DYNC1LI2: variants seen among roughly 807,000 people sequenced by gnomAD.
DYNC1LI2 encodes dynein cytoplasmic 1 light intermediate chain 2, also known as cytoplasmic dynein 1 light intermediate chain 2.
In DYNC1LI2, 19 loss-of-function variants were observed where a neutral mutation model predicts 57.8. The observed-to-expected ratio is 0.33, with a 90% CI of 0.23 to 0.48. The LOEUF (loss-of-function observed/expected upper bound fraction) is 0.48. Ranked by LOEUF, DYNC1LI2 falls within the 20% of genes least tolerant of loss-of-function variation. DYNC1LI2 has a pLI of 0.99. For synonymous variants in DYNC1LI2, 256 were observed against 233.4 expected, an observed-to-expected ratio of 1.10 and a Z score of -0.88; for missense variants, 470 against 604.2, an observed-to-expected ratio of 0.78 and a Z score of 2.33.
In DYNC1LI2 at chr16:66,730,021, T is replaced by C. The variant is rs183511734; in HGVS notation, c.1041+91A>G. On this transcript the variant is annotated intron_variant, in intron 8 of 12. Transcript: ENST00000258198. ...GTCTCAAACTCCTGACCTCATGTGA[T>C]CTGCCCGCTTTGGCCTCCCAAAGTG... 318 of 1,057,742 alleles carry C rather than the reference T, an allele frequency of 3.0e-4. No homozygotes were observed. The African/African-American group carries it at 4.8e-3, about 16-fold the overall frequency. The allele number at this position is 1,057,742 out of a possible 1,614,324, so 65.5% of individuals were successfully genotyped here. A position where few individuals can be genotyped will look rare whatever the true frequency, so the allele number is the denominator to read the frequency against.
chr16:66,725,066 C>T (rs2017512333), intron 12 of DYNC1LI2, among the ~76,000 whole-genome samples: 3 of 151,090 alleles, frequency 2.0e-5, no homozygotes, highest in Non-Finnish European at 2.9e-5. Flanking sequence ...CCCAGCTACT[C>T]GGGAGGCTGA....
In DYNC1LI2 at chr16:66,751,151, C is replaced by T; in HGVS notation, c.181+122G>A. On this transcript the variant is annotated intron_variant, in intron 2 of 12. Coordinates refer to ENST00000258198, the MANE Select transcript of DYNC1LI2 (RefSeq NM_006141.3). This position sits in a 1 kb window ranked among gnomAD's most constrained non-coding sequence, Gnocchi z 5.2. ...TCTCCAGCTGACCGGCCAGGGCCGACGGTCCCTTTCCCGCCAGGCTGCGGG... is the reference window on the plus strand; with the variant it reads ...TCTCCAGCTGACCGGCCAGGGCCGATGGTCCCTTTCCCGCCAGGCTGCGGG... 8.6e-7 allele frequency: 1 copy of T among 1,161,484 alleles called. No individual in the cohort carries two copies. Among genetic ancestry groups the T allele is most frequent in the Non-Finnish European group, 1.2e-6 (1 of 836,820 alleles). The allele number at this position is 1,161,484 out of a possible 1,614,324, so 71.9% of individuals were successfully genotyped here.
rs548222823 is a variant in DYNC1LI2 at position 66,726,913 on chromosome 16, C to T, written c.1261+775G>A. On this transcript the variant is annotated intron_variant, in intron 11 of 12. Coordinates refer to ENST00000258198, the MANE Select transcript of DYNC1LI2 (RefSeq NM_006141.3). The stretch of plus-strand genomic sequence containing the variant: ...CTCCCAAAGTGCTGGCTTGAGTCAC[C>T]ACGCCAGGCCTTTTTTTTTTTGAAA... 5.3e-5 allele frequency among the ~76,000 whole-genome samples: 8 copies of T among 151,762 alleles called. No homozygotes were observed. The South Asian group carries it at 1.7e-3, about 32-fold the overall frequency.
chr16:66,743,811 G>A (rs1397824418), intron 3 of DYNC1LI2, among the ~76,000 whole-genome samples: 2 of 152,118 alleles, frequency 1.3e-5, no homozygotes, highest in Non-Finnish European at 2.9e-5. Context: ...GTATTTAAAT[G>A]TGAAGATAAA....
At chr16:66,747,066 T>C (rs975878312) in intron 3 of DYNC1LI2, among the ~76,000 whole-genome samples, 2 of 150,106 alleles carry the variant, frequency 1.3e-5, no homozygotes, top group East Asian at 3.9e-4. Flanking sequence ...AAGAGACTCT[T>C]ACCCATGCCC....
At chr16:66,742,700 A>C in intron 3 of DYNC1LI2, 32 bp from the exon 4 acceptor site, 2 of 1,599,270 alleles carry the variant, frequency 1.3e-6, no homozygotes, top group Non-Finnish European at 1.7e-6. Flanking sequence ...GCTAGTTACC[A>C]CCTGACAGTG....
chr16:66,750,330 G>A (rs2018020629), intron 2 of DYNC1LI2, among the ~76,000 whole-genome samples: 1 of 152,164 alleles, frequency 6.6e-6, no homozygotes, highest in African/African-American at 2.4e-5. Flanking sequence ...GGAATTGGGG[G>A]ATGGAGGTGA....
intron 8 of DYNC1LI2, among the ~76,000 whole-genome samples, 161 bp from the exon 9 acceptor site, chr16:66,729,260 T>G (rs1465762815): frequency 1.3e-5 from 2 of 152,142 alleles, no homozygotes; most frequent in Non-Finnish European, 2.9e-5. Context: ...GGCACAGACC[T>G]CTCCCAAAAC....
chr16:66,749,696 T>C (rs1484979260), intron 2 of DYNC1LI2, among the ~76,000 whole-genome samples: 1 of 152,128 alleles, frequency 6.6e-6, no homozygotes, highest in African/African-American at 2.4e-5. Context: ...ATCTTCAAAA[T>C]ATGATACAAT....
intron 4 of DYNC1LI2, among the ~76,000 whole-genome samples, chr16:66,741,617 G>A (rs141653891): frequency 1.9e-3 from 285 of 152,170 alleles, no homozygotes; most frequent in African/African-American, 6.6e-3. Context: ...TTCACCAGAG[G>A]GGGTGATGTC....
At chr16:66,737,547 T>C (rs1424757076) in intron 4 of DYNC1LI2, among the ~76,000 whole-genome samples, 1 of 151,336 alleles carries the variant, frequency 6.6e-6, no homozygotes, top group Non-Finnish European at 1.5e-5. Context: ...AAGAACATGC[T>C]GTTTCCACAC....
At chr16:66,746,933 T>C (rs2017946050) in intron 3 of DYNC1LI2, among the ~76,000 whole-genome samples, 1 of 152,144 alleles carries the variant, frequency 6.6e-6, no homozygotes, top group Non-Finnish European at 1.5e-5. Flanking sequence ...GTAACCACAC[T>C]GTCCAAAAAA....
chr16:66,751,351 G>C lies in DYNC1LI2; in HGVS notation c.108-5C>G, dbSNP rs759347987. The C allele has an allele frequency of 1.9e-6, 3 of 1,611,320 alleles. No individual in the cohort carries two copies. The highest frequency in any genetic ancestry group is 2.5e-6 in the Non-Finnish European group (3 of 1,178,778). On this transcript the variant is annotated splice_region_variant and splice_polypyrimidine_tract_variant and intron_variant, in intron 1 of 12. Coordinates refer to ENST00000258198, the MANE Select transcript of DYNC1LI2 (RefSeq NM_006141.3). The surrounding 1 kb of genome is among the most constrained non-coding windows in gnomAD (Gnocchi z 5.2). ...ACTTCGCTCAGAATGGAGGACCTGT[G>C]GCGACAATGGCAAGAGTGGTCAGCC...
In DYNC1LI2 at chr16:66,751,584, G is replaced by C; in HGVS notation, c.8C>G (p.Pro3Arg). MA[P>R]VGVEKKLLLG... ...CAGCAGCTTCTTCTCCACCCCCACC[G>C]GCGCCATCTTGCCAACTGCAGCCAC... The change falls in exon 1 of 13, where the codon CCG becomes CGG. Residue 3 changes from proline to arginine, a missense_variant. Transcript: ENST00000258198. The surrounding 1 kb of genome is among the most constrained non-coding windows in gnomAD (Gnocchi z 5.2). The C allele has an allele frequency of 6.3e-7, 1 of 1,575,696 alleles. No homozygotes were observed. The highest frequency in any genetic ancestry group is 8.6e-7 in the Non-Finnish European group (1 of 1,163,912).
chr16:66,725,979 T>C (rs745827809), intron 11 of DYNC1LI2, 35 bp from the exon 12 acceptor site: 4 of 1,599,212 alleles, frequency 2.5e-6, no homozygotes, highest in Admixed American at 3.6e-5. Flanking sequence ...AAGCATCATA[T>C]AAACTGGAAG....
At chr16:66,725,479 A>G (rs1287121056) in intron 12 of DYNC1LI2, among the ~76,000 whole-genome samples, 1 of 152,124 alleles carries the variant, frequency 6.6e-6, no homozygotes, top group African/African-American at 2.4e-5. Context: ...TCCACCTTGG[A>G]AAAAGAAAAA....
rs2017476417 is a variant in DYNC1LI2, at chr16:66,723,093, C to T, written c.*629G>A. 8.8e-6 allele frequency: 3 copies of T among 340,946 alleles called. No homozygotes were observed. In the Admixed American group the frequency reaches 1.2e-4, roughly 13 times the overall value. The allele number at this position is 340,946 out of a possible 1,614,324, so 21.1% of individuals were successfully genotyped here. On this transcript the variant is annotated 3_prime_UTR_variant, in exon 13 of 13. Coordinates refer to ENST00000258198, the MANE Select transcript of DYNC1LI2 (RefSeq NM_006141.3). ...GCACCCCCACAATTAGTACATCTTT[C>T]GTAAGTTAAAGATGCATTCAAAATA...
intron 3 of DYNC1LI2, among the ~76,000 whole-genome samples, chr16:66,747,278 C>T (rs1023126052): frequency 2.0e-5 from 3 of 151,926 alleles, no homozygotes; most frequent in Admixed American, 2.0e-4. Flanking sequence ...AGAGTTTCAC[C>T]ATGTTGGCCA....
intron 5 of DYNC1LI2, 52 bp downstream of exon 5, chr16:66,736,023 G>A (rs1015141350): frequency 5.1e-6 from 8 of 1,578,004 alleles, no homozygotes; most frequent in Non-Finnish European, 6.9e-6. Flanking sequence ...CTTTCAGATG[G>A]TGACTGTTCA....
Sources: allele counts gnomAD v4.1 joint callset (sites outside exome capture counted in the v4.1 genomes callset), GRCh38; gene constraint gnomAD v4.1.1; non-coding constraint Gnocchi (gnomAD v3.1); transcripts MANE v1.5; gene names NCBI Gene and HGNC (gene_info 2026-07-23, HGNC 2026-07-21).